The following NBAS variants were observed in gnomAD, a reference collection of about 807,000 sequenced individuals.
NBAS encodes NBAS subunit of NRZ tethering complex, also known as NAG/BC035112 fusion.
Under a neutral mutation model 302.5 loss-of-function variants are expected in NBAS, and 219 were observed. The observed-to-expected ratio is 0.72, with a 90% confidence interval of 0.65 to 0.81. The LOEUF is 0.81. Ranked by LOEUF, NBAS falls within the 30% of genes least tolerant of loss-of-function variation. The pLI is 0.00. For synonymous variants in NBAS, 1,118 were observed against 1,021.6 expected, an observed-to-expected ratio of 1.09 and a Z score of -1.80; for missense variants, 2,932 against 2,841.6, an observed-to-expected ratio of 1.03 and a Z score of -0.72.
At chr2:14,860,673 G>A in the NBAS span, among the ~76,000 whole-genome samples, 2 of 152,164 alleles carry the variant, frequency 1.3e-5, no homozygotes, top group South Asian at 2.1e-4. Context: ...GTTACCAGAG[G>A]CTGGAAGGAT....
Position 15,342,972 on chromosome 2 carries a change from GA to G in NBAS, c.4179+9019del, listed in dbSNP as rs1194941240. Among the ~76,000 whole-genome samples the G allele has an allele frequency of 3.5e-3, 488 of 141,228 alleles. 1 individual carries two copies. The highest frequency in any genetic ancestry group is 0.011 in the African/African-American group (421 of 39,276). The allele number at this position is 141,228 out of a possible 152,430, so 92.7% of individuals were successfully genotyped here. A position where few individuals can be genotyped will look rare whatever the true frequency, so the allele number is the denominator to read the frequency against. ...AACTGTGCTCTAAATACTGAGCACA[GA>G]AAAAAAAAAAATCAAAGGACACCCA... On this transcript the variant is annotated intron_variant, in intron 35 of 51. Coordinates refer to ENST00000281513, the MANE Select transcript of NBAS (RefSeq NM_015909.4).
intron 28 of NBAS, among the ~76,000 whole-genome samples, chr2:15,385,111 TAA>T (rs1675225104): frequency 6.6e-6 from 1 of 152,242 alleles, no homozygotes; most frequent in Non-Finnish European, 1.5e-5. Flanking sequence ...CAATTAGGCA[TAA>T]GAGAACACTT....
intron 40 of NBAS, among the ~76,000 whole-genome samples, chr2:15,306,763 CTTTT>C (rs201533077): frequency 7.5e-6 from 1 of 132,542 alleles, no homozygotes. Context: ...TTGTGGAAAT[CTTTT>C]TTTTTTTTTT....
the NBAS span, among the ~76,000 whole-genome samples, chr2:15,120,999 T>C: frequency 2.0e-5 from 3 of 152,230 alleles, no homozygotes; most frequent in Non-Finnish European, 4.4e-5. Flanking sequence ...TTATATTCTT[T>C]TTTGGCTTCA....
At chr2:14,780,509 T>C in the NBAS span, among the ~76,000 whole-genome samples, 4 of 152,264 alleles carry the variant, frequency 2.6e-5, no homozygotes, top group African/African-American at 9.6e-5. Flanking sequence ...AACATAAGCA[T>C]AAAAGTTCTT....
the NBAS span, among the ~76,000 whole-genome samples, chr2:14,827,701 A>G: frequency 4.6e-5 from 7 of 152,346 alleles, no homozygotes; most frequent in South Asian, 2.1e-4. Context: ...CCAGTCACAA[A>G]AGGACAAATA....
intron 4 of NBAS, 113 bp from the exon 5 acceptor site, chr2:15,553,586 T>G: frequency 4.1e-6 from 4 of 985,506 alleles, no homozygotes; most frequent in Non-Finnish European, 6.4e-6. Context: ...TTTGTTCACA[T>G]GCTTTAATTA....
chr2:15,559,108 A>C (rs1424380349), intron 1 of NBAS, among the ~76,000 whole-genome samples: 1 of 150,500 alleles, frequency 6.6e-6, no homozygotes, highest in African/African-American at 2.4e-5. Context: ...GACGCGGGAC[A>C]ATAGGAGAAA....
chr2:15,428,525 T>A (rs1677591212), intron 21 of NBAS, among the ~76,000 whole-genome samples: 1 of 151,092 alleles, frequency 6.6e-6, no homozygotes, highest in South Asian at 2.1e-4. Flanking sequence ...AGCCAAGGAG[T>A]TCAAGGCTAG....
chr2:14,804,757 A>G, the NBAS span, among the ~76,000 whole-genome samples: 1 of 152,364 alleles, frequency 6.6e-6, no homozygotes, highest in African/African-American at 2.4e-5. Flanking sequence ...GTGAAGGGAA[A>G]AAATAATTCA....
At chr2:15,213,326 G>A (rs1666506070) in intron 48 of NBAS, among the ~76,000 whole-genome samples, 1 of 152,182 alleles carries the variant, frequency 6.6e-6, no homozygotes, top group Non-Finnish European at 1.5e-5. Context: ...CAGTTAATAG[G>A]CATGGCATTT....
At chr2:15,170,990 TTTG>T (rs1181254670) in intron 51 of NBAS, among the ~76,000 whole-genome samples, 1 of 152,232 alleles carries the variant, frequency 6.6e-6, no homozygotes, top group East Asian at 1.9e-4. Flanking sequence ...GCTGGATTAA[TTTG>T]TTAAGCCTCA....
the NBAS span, among the ~76,000 whole-genome samples, chr2:15,123,885 A>G: frequency 6.6e-6 from 1 of 152,248 alleles, no homozygotes; most frequent in Non-Finnish European, 1.5e-5. Flanking sequence ...AGAGTAGGGC[A>G]TTGCTGTAAA....
the NBAS span, among the ~76,000 whole-genome samples, chr2:15,090,605 A>C: frequency 2.6e-5 from 4 of 152,210 alleles, no homozygotes; most frequent in Admixed American, 1.3e-4. Flanking sequence ...ACAGAAAAGC[A>C]CAGCCTGATC....
the NBAS span, among the ~76,000 whole-genome samples, chr2:14,951,902 A>G: frequency 6.6e-6 from 1 of 152,086 alleles, no homozygotes; most frequent in Non-Finnish European, 1.5e-5. Flanking sequence ...TTTTTCTACA[A>G]CCCGGCTGTC....
intron 21 of NBAS, among the ~76,000 whole-genome samples, chr2:15,449,590 C>CT: frequency 1.1e-5 from 1 of 89,624 alleles, no homozygotes; most frequent in Non-Finnish European, 2.7e-5. Flanking sequence ...CGCCCTGAAC[C>CT]CTTTTTTTTC....
chr2:15,128,015 A>G, the NBAS span, among the ~76,000 whole-genome samples: 83 of 152,198 alleles, frequency 5.5e-4, no homozygotes, highest in Non-Finnish European at 1.1e-3. Context: ...ATTTGATGCA[A>G]GCTAAGTTTG....
At chr2:14,995,968 C>T in the NBAS span, among the ~76,000 whole-genome samples, 199 of 152,080 alleles carry the variant, frequency 1.3e-3, 3 homozygotes, top group African/African-American at 4.6e-3. Flanking sequence ...CAAGTACACA[C>T]AGCTCTGTCT....
intron 35 of NBAS, among the ~76,000 whole-genome samples, chr2:15,350,321 T>TC (rs138934856): frequency 0.011 from 1,635 of 152,148 alleles, 23 homozygotes; most frequent in African/African-American, 0.037. Context: ...AATAGGTGTC[T>TC]CCCAAAATAG....
Sources: allele counts gnomAD v4.1 joint callset (sites outside exome capture counted in the v4.1 genomes callset), GRCh38; gene constraint gnomAD v4.1.1; transcripts MANE v1.5; gene names NCBI Gene and HGNC (gene_info 2026-07-23, HGNC 2026-07-21).